Variants in AFTPH observed in about 807,000 individuals in gnomAD.
The protein encoded by AFTPH is aftiphilin protein.
In AFTPH, 7 loss-of-function variants were observed where a neutral mutation model predicts 72.5. The ratio of observed to expected loss-of-function variants is 0.10; its 90% confidence interval spans 0.05 to 0.18. The LOEUF is 0.18. Among genes scored for constraint, AFTPH ranks in the 10% least tolerant of loss-of-function variants. The pLI is 1.00. For synonymous variants in AFTPH, 337 were observed against 370.1 expected (o/e 0.91, Z 1.03); for missense variants, 979 against 1,060.5 (o/e 0.92, Z 1.07).
At chr2:64,552,193 A>G in exon 2 of AFTPH, 1 of 1,613,928 alleles carries the variant, frequency 6.2e-7, no homozygotes, top group Non-Finnish European at 8.5e-7. Flanking sequence ...TTTTCCAAAA[A>G]GGAAAGGATA....
At chr2:64,539,911 G>A (rs1401676254) in intron 1 of AFTPH, among the ~76,000 whole-genome samples, 2 of 152,146 alleles carry the variant, frequency 1.3e-5, no homozygotes, top group African/African-American at 4.8e-5. Context: ...AAGAGCTAGG[G>A]CGCACAGAAG....
intron 1 of AFTPH, among the ~76,000 whole-genome samples, chr2:64,534,756 T>C (rs542064325): frequency 2.0e-5 from 3 of 146,404 alleles, no homozygotes; most frequent in Non-Finnish European, 3.0e-5. Flanking sequence ...TTTTTTTTTT[T>C]CTGAGAATTC....
intron 8 of AFTPH, among the ~76,000 whole-genome samples, chr2:64,586,099 C>T (rs1022227357): frequency 2.0e-4 from 31 of 152,174 alleles, no homozygotes; most frequent in South Asian, 4.1e-4. Flanking sequence ...ACTAAAGGCA[C>T]GGAATGTCAC....
At chr2:64,583,967 AAAC>A (rs1673355815) in intron 7 of AFTPH, among the ~76,000 whole-genome samples, 1 of 152,120 alleles carries the variant, frequency 6.6e-6, no homozygotes, top group African/African-American at 2.4e-5. Flanking sequence ...AAAAGGAAAA[AAAC>A]TTGTTAATCT....
chr2:64,556,278 G>A (rs1572986201), intron 2 of AFTPH, among the ~76,000 whole-genome samples: 2 of 152,164 alleles, frequency 1.3e-5, no homozygotes, highest in Non-Finnish European at 2.9e-5. Context: ...GTGAGCCACC[G>A]TGCCTAGCCT....
chr2:64,532,883 A>G (rs1669702823), intron 1 of AFTPH, among the ~76,000 whole-genome samples: 1 of 152,190 alleles, frequency 6.6e-6, no homozygotes, highest in East Asian at 1.9e-4. Context: ...GGGAAAATTT[A>G]TTTTGTAGCC....
chr2:64,524,439 G>GC lies in AFTPH; in HGVS notation c.-205dup. The GC allele has an allele frequency of 2.5e-6, 1 of 403,116 alleles. No homozygotes were observed. The highest frequency in any genetic ancestry group is 4.4e-6 in the Non-Finnish European group (1 of 228,580). The allele number at this position is 403,116 out of a possible 1,614,324, so 25.0% of individuals were successfully genotyped here. A position where few individuals can be genotyped will look rare whatever the true frequency, so the allele number is the denominator to read the frequency against. On this transcript the variant is annotated 5_prime_UTR_variant, in exon 1 of 9. An upstream open reading frame in the 5' UTR gains an earlier in-frame stop. Transcript: ENST00000238856. ...AGGGTAGTGGGATGGGGGTCCCGCG[G>GC]CAGCGGTGAAACTCCGGGTGGGCGT...
In AFTPH at chr2:64,591,870, T is replaced by G. The variant is rs750387496; in HGVS notation, c.2580-15T>G. 5 of 1,613,102 alleles carry G rather than the reference T, an allele frequency of 3.1e-6. No homozygotes were observed. The South Asian group carries it at 4.4e-5, about 14-fold the overall frequency. ...AAAGTCACATTAACACACTTGTCTTTTTTTCATTTGTCAGTAGGAAACCGA... is the reference window on the plus strand; with the variant it reads ...AAAGTCACATTAACACACTTGTCTTGTTTTCATTTGTCAGTAGGAAACCGA... On this transcript the variant is annotated splice_polypyrimidine_tract_variant and intron_variant, in intron 8 of 8. Coordinates refer to ENST00000238856, the Ensembl canonical transcript of AFTPH.
chr2:64,543,462 A>G (rs1670379974), intron 1 of AFTPH, among the ~76,000 whole-genome samples: 1 of 152,226 alleles, frequency 6.6e-6, no homozygotes, highest in African/African-American at 2.4e-5. Context: ...CTAAGGTCAT[A>G]CAAATAATCT....
At chr2:64,570,059 G>T (rs1672323080) in intron 5 of AFTPH, among the ~76,000 whole-genome samples, 1 of 152,080 alleles carries the variant, frequency 6.6e-6, no homozygotes, top group South Asian at 2.1e-4. Context: ...CAATATTGAG[G>T]CTATAGATGT....
chr2:64,530,524 C>G (rs1385346172), intron 1 of AFTPH, among the ~76,000 whole-genome samples: 13 of 152,198 alleles, frequency 8.5e-5, no homozygotes, highest in Admixed American at 3.3e-4. Context: ...AGGAACCCTT[C>G]TGTTTTAATG....
exon 6 of AFTPH, chr2:64,573,028 T>A (rs980050523): frequency 1.2e-6 from 2 of 1,614,066 alleles, no homozygotes; most frequent in African/African-American, 2.7e-5. Context: ...ACAGCCACCA[T>A]GTCACCAGAT....
At chr2:64,582,597 T>C (rs1480903028) in intron 7 of AFTPH, among the ~76,000 whole-genome samples, 2 of 152,176 alleles carry the variant, frequency 1.3e-5, no homozygotes, top group Non-Finnish European at 2.9e-5. Context: ...GGTGAGCTAA[T>C]TGTCTGACAT....
intron 1 of AFTPH, among the ~76,000 whole-genome samples, chr2:64,550,677 G>GCGCA (rs777425715): frequency 3.1e-5 from 4 of 130,152 alleles, no homozygotes; most frequent in East Asian, 2.3e-4. Context: ...CTGTACGCAT[G>GCGCA]CACACACACA....
intron 2 of AFTPH, among the ~76,000 whole-genome samples, chr2:64,557,774 G>A (rs758133840): frequency 6.6e-6 from 1 of 152,202 alleles, no homozygotes; most frequent in African/African-American, 2.4e-5. Context: ...CAAAATAAGA[G>A]AATTAAGATG....
chr2:64,526,975 C>T (rs1271231687), intron 1 of AFTPH, among the ~76,000 whole-genome samples: 1 of 152,134 alleles, frequency 6.6e-6, no homozygotes, highest in Non-Finnish European at 1.5e-5. Context: ...TTTGCTAGAC[C>T]ATTTATATAG....
At chr2:64,553,201 A>G (rs973478598) in exon 2 of AFTPH, 1 of 1,614,170 alleles carries the variant, frequency 6.2e-7, no homozygotes, top group African/African-American at 1.3e-5. Context: ...AATGCTTTTG[A>G]GGATGAACAA....
chr2:64,534,726 T>G (rs1669795390), intron 1 of AFTPH, among the ~76,000 whole-genome samples: 1 of 141,336 alleles, frequency 7.1e-6, no homozygotes, highest in Admixed American at 7.0e-5. Flanking sequence ...GAAACTGTGT[T>G]TAATTCTTTA....
chr2:64,539,598 C>T (rs540957564), intron 1 of AFTPH, among the ~76,000 whole-genome samples: 8 of 152,184 alleles, frequency 5.3e-5, no homozygotes, highest in African/African-American at 9.6e-5. Context: ...TTGGAGTGTG[C>T]GTGAGTTGGA....
Sources: allele counts gnomAD v4.1 joint callset (sites outside exome capture counted in the v4.1 genomes callset), GRCh38; gene constraint gnomAD v4.1.1; transcripts MANE v1.5; gene names NCBI Gene and HGNC (gene_info 2026-07-23, HGNC 2026-07-21).